The following NTM variants were observed in gnomAD, a reference collection of about 807,000 sequenced individuals.
The protein encoded by NTM is IgLON family member 2.
A neutral mutation model predicts 42.1 loss-of-function variants in NTM; 13 were observed. The observed-to-expected ratio is 0.31, with a 90% confidence interval of 0.20 to 0.49. The LOEUF is 0.49. Ranked by LOEUF, NTM falls within the 20% of genes least tolerant of loss-of-function variation. The pLI, the probability that NTM is intolerant of heterozygous loss-of-function variation, is 0.99. For synonymous variants in NTM, 187 were observed against 179.2 expected, an observed-to-expected ratio of 1.04 and a Z score of -0.35; for missense variants, 373 against 452.8, an observed-to-expected ratio of 0.82 and a Z score of 1.60.
Position 131,532,176 on chromosome 11 carries a change from A to T in NTM, c.82+161288A>T, listed in dbSNP as rs182062300. On this transcript the variant is annotated intron_variant, in intron 1 of 8. Coordinates refer to ENST00000683400, the MANE Select transcript of NTM (RefSeq NM_001352005.2). ...CACAACTATTACAACCATCTCCAGA[A>T]TTTTTTTTAAATCATCCCAAACAGA... is the stretch of plus-strand genomic sequence containing the variant. 1.5e-4 allele frequency among the ~76,000 whole-genome samples: 23 copies of T among 152,214 alleles called. No homozygotes were observed. In the East Asian group the frequency reaches 4.4e-3, roughly 29 times the overall value.
At chr11:131,602,057 C>T (rs1380025879) in intron 1 of NTM, among the ~76,000 whole-genome samples, 1 of 152,158 alleles carries the variant, frequency 6.6e-6, no homozygotes, top group Non-Finnish European at 1.5e-5. Context: ...AACTAAATAT[C>T]TCTCTAGTTT....
At chr11:131,780,487 G>A (rs2087875766) in intron 1 of NTM, among the ~76,000 whole-genome samples, 1 of 152,172 alleles carries the variant, frequency 6.6e-6, no homozygotes, top group South Asian at 2.1e-4. Flanking sequence ...TTAGGAAGAA[G>A]TGGGTGTATG....
At chr11:131,522,356 GAAAA>G (rs1565596371) in intron 1 of NTM, among the ~76,000 whole-genome samples, 2 of 126,850 alleles carry the variant, frequency 1.6e-5, no homozygotes, top group Non-Finnish European at 1.7e-5. Flanking sequence ...AGAACAACAA[GAAAA>G]AAAAAAAAGC....
At chr11:131,751,589 CA>C (rs34297944) in intron 1 of NTM, among the ~76,000 whole-genome samples, 32,023 of 115,990 alleles carry the variant, frequency 0.28, 4,300 homozygotes, top group East Asian at 0.47. Flanking sequence ...GACTCCGTCT[CA>C]AAAAAAAAAA....
rs150882194 is a variant in NTM, at chr11:131,852,410, T to C, written c.83-59154T>C. Among the ~76,000 whole-genome samples the C allele has an allele frequency of 3.6e-3, 548 of 152,330 alleles. 6 individuals are homozygous for C. The highest frequency in any genetic ancestry group is 0.012 in the African/African-American group (510 of 41,594). ...TAAAACAGAAAATCTTACATTTCAA[T>C]ACAATCCATTTTAATTATTTTATTT... is the stretch of plus-strand genomic sequence containing the variant. On this transcript the variant is annotated intron_variant, in intron 1 of 8. Transcript: ENST00000683400.
intron 2 of NTM, among the ~76,000 whole-genome samples, chr11:131,949,204 C>T (rs1000851498): frequency 6.6e-6 from 1 of 152,210 alleles, no homozygotes; most frequent in Non-Finnish European, 1.5e-5. Flanking sequence ...CATACTGTTA[C>T]ATGCATTAGT....
chr11:131,573,376 T>G (rs1592092944), intron 1 of NTM, among the ~76,000 whole-genome samples: 1 of 152,308 alleles, frequency 6.6e-6, no homozygotes, highest in East Asian at 1.9e-4. Context: ...ATAAAGTGCC[T>G]CACAGTAGAA....
rs71067353 is a variant in NTM, at chr11:132,043,958, A to ATGTGTGTGTGTGTG, written c.168-102302_168-102289dup. Among the ~76,000 whole-genome samples, 115 of 146,372 alleles carry ATGTGTGTGTGTGTG rather than the reference A, an allele frequency of 7.9e-4. 1 individual carries two copies. Among genetic ancestry groups the ATGTGTGTGTGTGTG allele is most frequent in the African/African-American group, 2.6e-3 (105 of 39,804 alleles). ...CATTTTAAGAAGACAGACACCAACTATGTGTGTGTGTGTGTGTGTGTGTGT... is the reference window on the plus strand; with the variant it reads ...CATTTTAAGAAGACAGACACCAACTATGTGTGTGTGTGTGTGTGTGTGTGTGTGTGTGTGTGTGT... On this transcript the variant is annotated intron_variant, in intron 2 of 8. Coordinates refer to ENST00000683400, the MANE Select transcript of NTM (RefSeq NM_001352005.2).
chr11:132,295,895 A>T (rs1456370935), intron 4 of NTM, among the ~76,000 whole-genome samples: 1 of 152,232 alleles, frequency 6.6e-6, no homozygotes, highest in African/African-American at 2.4e-5. Flanking sequence ...ACTCATAAAG[A>T]GGATATTGTA....
chr11:132,088,377 C>A (rs1594545128), intron 2 of NTM, among the ~76,000 whole-genome samples: 1 of 152,220 alleles, frequency 6.6e-6, no homozygotes, highest in East Asian at 1.9e-4. Flanking sequence ...TACTGGCCAC[C>A]AAAATGATGC....
intron 2 of NTM, among the ~76,000 whole-genome samples, chr11:132,092,682 T>C (rs893444438): frequency 5.3e-5 from 8 of 152,182 alleles, no homozygotes; most frequent in Non-Finnish European, 8.8e-5. Flanking sequence ...CCCTCAGTCA[T>C]TGTTTTCTTG....
rs115387904 is a variant in NTM at position 131,956,981 on chromosome 11, C to T, written c.167+45333C>T. On this transcript the variant is annotated intron_variant, in intron 2 of 8. Coordinates refer to ENST00000683400, the MANE Select transcript of NTM (RefSeq NM_001352005.2). Reference sequence around the variant, plus strand: ...TCCTCAGGCTCCTATTTTGTGCTGTCTACATTGTGTCCTCTGTGCTACCTC... The same window carrying T: ...TCCTCAGGCTCCTATTTTGTGCTGTTTACATTGTGTCCTCTGTGCTACCTC... Among the ~76,000 whole-genome samples, 1,017 of 152,302 alleles carry T rather than the reference C, an allele frequency of 6.7e-3. 16 individuals are homozygous for T. The highest frequency in any genetic ancestry group is 0.021 in the African/African-American group (879 of 41,568).
At chr11:131,599,829 G>A (rs1395515630) in intron 1 of NTM, among the ~76,000 whole-genome samples, 2 of 152,170 alleles carry the variant, frequency 1.3e-5, no homozygotes, top group Admixed American at 1.3e-4. Flanking sequence ...AGAATGGTTG[G>A]GGATTTCTCC....
At position 132,220,177 on chromosome 11, in the gene NTM, T is replaced by A. The variant is rs78939241; in HGVS notation, c.526+8030T>A. 1.8e-3 allele frequency among the ~76,000 whole-genome samples: 273 copies of A among 152,254 alleles called. 1 individual carries two copies. In the East Asian group the frequency reaches 0.026, roughly 14 times the overall value. On this transcript the variant is annotated intron_variant, in intron 4 of 8. Transcript: ENST00000683400. ...GAAACATAGAGCATTAGGTTCAATATATACAGAAAAAAAGGGATTAATTGT... is the reference window on the plus strand; with the variant it reads ...GAAACATAGAGCATTAGGTTCAATAAATACAGAAAAAAAGGGATTAATTGT...
At chr11:131,760,719 C>G (rs918375224) in intron 1 of NTM, among the ~76,000 whole-genome samples, 3 of 152,156 alleles carry the variant, frequency 2.0e-5, no homozygotes, top group Non-Finnish European at 4.4e-5. Flanking sequence ...CTCATGGGAT[C>G]TGGGCCCTGC....
intron 2 of NTM, among the ~76,000 whole-genome samples, chr11:131,949,512 A>G (rs1187498584): frequency 6.6e-6 from 1 of 152,054 alleles, no homozygotes; most frequent in Non-Finnish European, 1.5e-5. Flanking sequence ...AAGCAATCTC[A>G]GTTGAGTTTT....
At chr11:131,933,786 T>A (rs2058899644) in intron 2 of NTM, among the ~76,000 whole-genome samples, 1 of 152,100 alleles carries the variant, frequency 6.6e-6, no homozygotes, top group Non-Finnish European at 1.5e-5. Context: ...AAATCTAGCT[T>A]GGTGAGGAAA....
intron 2 of NTM, among the ~76,000 whole-genome samples, chr11:131,976,133 T>TTCCTTCCTTCCA (rs1369388299): frequency 7.1e-6 from 1 of 140,288 alleles, no homozygotes; most frequent in African/African-American, 2.6e-5. Flanking sequence ...CCTTCCTTCC[T>TTCCTTCCTTCCA]TCCTTCCTTC....
chr11:131,915,823 T>C lies in NTM; in HGVS notation c.167+4175T>C, dbSNP rs115450471. Among the ~76,000 whole-genome samples the C allele has an allele frequency of 7.1e-3, 1,078 of 152,318 alleles. 16 individuals are homozygous for C. Among genetic ancestry groups the C allele is most frequent in the African/African-American group, 0.025 (1,025 of 41,568 alleles). On this transcript the variant is annotated intron_variant, in intron 2 of 8. Coordinates refer to ENST00000683400, the MANE Select transcript of NTM (RefSeq NM_001352005.2). Reference sequence around the variant, plus strand: ...ATCAGATCCTGTGAGACTGATTCACTACCACCAGAGCAGTATGGGGAAAAC... The same window carrying C: ...ATCAGATCCTGTGAGACTGATTCACCACCACCAGAGCAGTATGGGGAAAAC...
Sources: gnomAD v4.1 joint callset for allele counts (sites outside exome capture counted in the v4.1 genomes callset) on GRCh38, gnomAD v4.1.1 for gene constraint, MANE v1.5 for transcripts, NCBI Gene and HGNC (gene_info 2026-07-23, HGNC 2026-07-21) for gene names.